BTBD2: variants seen among roughly 807,000 people sequenced by gnomAD.
The protein encoded by BTBD2 is BTB domain containing 2, also known as BTB/POZ domain-containing protein 2.
In BTBD2, 15 loss-of-function variants were observed where a neutral mutation model predicts 44.0. The ratio of observed to expected loss-of-function variants is 0.34; its 90% CI spans 0.23 to 0.53. The LOEUF is 0.53. Among genes scored for constraint, BTBD2 ranks in the 20% least tolerant of loss-of-function variants. BTBD2 has a pLI of 0.95. For synonymous variants in BTBD2, 443 were observed against 335.9 expected (o/e 1.32, Z -3.49); for missense variants, 657 against 746.4 (o/e 0.88, Z 1.39).
intron 1 of BTBD2, among the ~76,000 whole-genome samples, chr19:1,999,004 C>T (rs375869880): frequency 3.0e-4 from 46 of 152,278 alleles, no homozygotes; most frequent in South Asian, 1.0e-3. Flanking sequence ...CAGGTGGTTC[C>T]GCACGGATGG....
chr19:1,997,842 GCATGCATTCACTCGCTCATTCA>G (rs1485466006), intron 1 of BTBD2, among the ~76,000 whole-genome samples: 2 of 152,160 alleles, frequency 1.3e-5, no homozygotes, highest in Non-Finnish European at 2.9e-5. Flanking sequence ...GTTCATTCAT[GCATGCATTCACTCGCTCATTCA>G]CATGCATTCA....
intron 3 of BTBD2, 181 bp from the exon 4 acceptor site, chr19:1,991,003 T>C: frequency 1.7e-6 from 1 of 580,766 alleles, no homozygotes; most frequent in South Asian, 2.0e-5. Flanking sequence ...GACTCCCCTG[T>C]GACCGCTGAC....
At chr19:2,013,450 C>G (rs1001244067) in intron 1 of BTBD2, 1 of 956,050 alleles carries the variant, frequency 1.0e-6, no homozygotes. Context: ...TGGAAGGGCC[C>G]GGAGATGGGA....
At chr19:2,006,708 G>C (rs1334703623) in intron 1 of BTBD2, among the ~76,000 whole-genome samples, 2 of 150,986 alleles carry the variant, frequency 1.3e-5, no homozygotes, top group East Asian at 3.9e-4. Context: ...TTTTTTCTGA[G>C]ACGGAGTTTC....
chr19:2,012,067 G>C (rs1272869241), intron 1 of BTBD2, among the ~76,000 whole-genome samples: 1 of 151,828 alleles, frequency 6.6e-6, no homozygotes, highest in African/African-American at 2.4e-5. Flanking sequence ...CGTTGGCCAG[G>C]ATGGTCTCAA....
chr19:1,990,107 C>G lies in BTBD2; in HGVS notation c.885G>C (p.Gln295His), dbSNP rs903243379. 3.1e-6 allele frequency: 5 copies of G among 1,612,960 alleles called. No individual in the cohort carries two copies. The Admixed American group carries it at 5.0e-5, about 16-fold the overall frequency. ...CTGGCGTCACCTGCAGCTGCTGCCGCTGACACTCGGCCTCGGACCAGCGGA... is the reference window on the plus strand; with the variant it reads ...CTGGCGTCACCTGCAGCTGCTGCCGGTGACACTCGGCCTCGGACCAGCGGA... Reference protein sequence around the residue: ...AVVRWSEAECQRQQLQVTPEN... With the variant: ...AVVRWSEAECHRQQLQVTPEN... The change falls in exon 5 of 9, where the codon CAG becomes CAC. Residue 295 changes from glutamine to histidine, a missense_variant. Physicochemically the swap from Gln to His is conservative, Grantham distance 24 (BLOSUM62 0). Transcript: ENST00000255608.
intron 4 of BTBD2, 80 bp downstream of exon 4, chr19:1,990,637 C>CA: frequency 1.5e-6 from 2 of 1,349,642 alleles, no homozygotes; most frequent in Non-Finnish European, 2.0e-6. Context: ...CCCCCAGGCC[C>CA]AAAGCTCCCA....
chr19:2,006,916 G>A (rs566442094), intron 1 of BTBD2, among the ~76,000 whole-genome samples: 2 of 152,144 alleles, frequency 1.3e-5, no homozygotes, highest in South Asian at 4.2e-4. Flanking sequence ...GGAGTGCAGT[G>A]ACGCGATCTC....
chr19:2,012,486 C>A (rs936914219), intron 1 of BTBD2, among the ~76,000 whole-genome samples: 1 of 152,216 alleles, frequency 6.6e-6, no homozygotes, highest in Admixed American at 6.5e-5. Flanking sequence ...TGTTCTCCAG[C>A]CTGTTATTGT....
chr19:2,008,829 C>T (rs966977062), intron 1 of BTBD2, among the ~76,000 whole-genome samples: 2 of 151,984 alleles, frequency 1.3e-5, no homozygotes, highest in African/African-American at 4.8e-5. Flanking sequence ...CCTCAGCCTC[C>T]CAAAGTGCTG....
chr19:2,007,135 C>T lies in BTBD2; in HGVS notation c.407+8162G>A, dbSNP rs565924479. 1.8e-4 allele frequency among the ~76,000 whole-genome samples: 27 copies of T among 152,048 alleles called. No homozygotes were observed. In the East Asian group the frequency reaches 5.0e-3, roughly 28 times the overall value. On this transcript the variant is annotated intron_variant, in intron 1 of 8. Coordinates refer to ENST00000255608, the MANE Select transcript of BTBD2 (RefSeq NM_017797.4). ...CCTCCCAAAGTGCTGGGATTACAGG[C>T]GTGAGCCACTGCGCCCAGCCACTTT... is the stretch of plus-strand genomic sequence containing the variant.
At position 1,987,701 on chromosome 19, in the gene BTBD2, C is replaced by T. The variant is rs1555685734; in HGVS notation, c.989-9G>A. The T allele has an allele frequency of 6.3e-7, 1 of 1,581,986 alleles. No homozygotes were observed. The highest frequency in any genetic ancestry group is 2.3e-5 in the East Asian group (1 of 44,422). On this transcript the variant is annotated splice_polypyrimidine_tract_variant and intron_variant, in intron 5 of 8. Transcript: ENST00000255608. ...GCCCGACTGTGCGGGACCTGCAGCA[C>T]AGGGAGGGTGTGGGGGAGGGCCGGG...
chr19:2,000,671 C>G (rs1050160211), intron 1 of BTBD2, among the ~76,000 whole-genome samples: 17 of 152,296 alleles, frequency 1.1e-4, no homozygotes, highest in African/African-American at 3.6e-4. Context: ...GCTGTTCCCC[C>G]CTTCATGTAT....
At chr19:1,999,894 G>A (rs1422634948) in intron 1 of BTBD2, among the ~76,000 whole-genome samples, 11 of 151,602 alleles carry the variant, frequency 7.3e-5, no homozygotes, top group East Asian at 3.9e-4. Flanking sequence ...CCCGGGAGGC[G>A]GAGGTTTCAG....
Position 1,987,964 on chromosome 19 carries a change from A to G in BTBD2, c.989-272T>C. On this transcript the variant is annotated intron_variant, in intron 5 of 8. Coordinates refer to ENST00000255608, the MANE Select transcript of BTBD2 (RefSeq NM_017797.4). The stretch of plus-strand genomic sequence containing the variant: ...TGACAGATGCACTCACTCAGGGGTG[A>G]TGTCTCAGGGTCTGGCCCCACTGTA... 2 of 460,638 alleles carry G rather than the reference A, an allele frequency of 4.3e-6. 1 individual carries two copies. Among genetic ancestry groups the G allele is most frequent in the East Asian group, 7.7e-5 (2 of 26,070 alleles). The allele number at this position is 460,638 out of a possible 1,614,324, so 28.5% of individuals were successfully genotyped here.
intron 1 of BTBD2, among the ~76,000 whole-genome samples, chr19:1,997,868 GCATTCATTCACACAGGCGTTCATTCACT>G (rs1365640530): frequency 1.3e-5 from 2 of 152,160 alleles, no homozygotes; most frequent in East Asian, 1.9e-4. Context: ...TCATTCACAT[GCATTCATTCACACAGGCGTTCATTCACT>G]CATTCATTCA....
In BTBD2 at chr19:1,990,724, A is replaced by G. The variant is rs762778997; in HGVS notation, c.783T>C (p.Ile261=). 1 of 1,599,930 alleles carries G rather than the reference A, an allele frequency of 6.3e-7. No individual in the cohort carries two copies. Among genetic ancestry groups the G allele is most frequent in the Non-Finnish European group, 8.5e-7 (1 of 1,173,640 alleles). The change falls in exon 4 of 9, where the codon ATT becomes ATC. Residue 261 remains isoleucine (I), a synonymous_variant. Transcript: ENST00000255608. ...DAITAEGFTD[I]DLDTLVAVLE... is the part of the protein sequence containing the mutation. ...GGGCTCCTGGGCCCTTACCCAGGTC[A>G]ATGTCGGTGAAGCCCTCCGCGGTGA...
At chr19:2,008,433 G>A (rs1285440600) in intron 1 of BTBD2, among the ~76,000 whole-genome samples, 1 of 151,678 alleles carries the variant, frequency 6.6e-6, no homozygotes, top group Non-Finnish European at 1.5e-5. Flanking sequence ...TCAAGCAGCA[G>A]GTGCAAGCCA....
intron 3 of BTBD2, among the ~76,000 whole-genome samples, chr19:1,992,440 A>G (rs545335080): frequency 6.6e-6 from 1 of 151,870 alleles, no homozygotes; most frequent in East Asian, 2.0e-4. Flanking sequence ...GGGTCTCTCT[A>G]TGTTGCCTAG....
Sources: allele counts gnomAD v4.1 joint callset (sites outside exome capture counted in the v4.1 genomes callset), GRCh38; gene constraint gnomAD v4.1.1; transcripts MANE v1.5; gene names NCBI Gene and HGNC (gene_info 2026-07-23, HGNC 2026-07-21).